BCL2L1: variants seen among roughly 807,000 people sequenced by gnomAD.
The protein encoded by BCL2L1 is bcl-2-like protein 1.
Under a neutral mutation model 18.7 loss-of-function variants are expected in BCL2L1, and 1 was observed. That is an observed-to-expected ratio of 0.05 (90% CI 0.02 to 0.25). The LOEUF is 0.25. BCL2L1 is among the 10% of genes least tolerant of loss of function. The probability of loss-of-function intolerance (pLI) is 1.00; values close to 1 mark genes in which losing one functional copy is unlikely to be tolerated. For missense variants in BCL2L1, 207 were observed against 304.9 expected, an observed-to-expected ratio of 0.68 and a Z score of 2.39; for synonymous variants, 103 against 122.7, an observed-to-expected ratio of 0.84 and a Z score of 1.06.
In BCL2L1 at chr20:31,665,910, G is replaced by C; in HGVS notation, c.*39C>G. On this transcript the variant is annotated 3_prime_UTR_variant, in exon 3 of 3. Coordinates refer to ENST00000307677, the MANE Select transcript of BCL2L1 (RefSeq NM_138578.3). ...TGGACGGAGGATGTGGTGGAGCAGA[G>C]AAGGGGGTGGGAGGGTAGAGTGGAT... 1 of 1,605,320 alleles carries C rather than the reference G, an allele frequency of 6.2e-7. No individual in the cohort carries two copies. Among genetic ancestry groups the C allele is most frequent in the East Asian group, 2.2e-5 (1 of 44,708 alleles).
intron 2 of BCL2L1, among the ~76,000 whole-genome samples, chr20:31,686,618 G>C (rs2060959643): frequency 1.3e-5 from 2 of 152,136 alleles, no homozygotes; most frequent in Non-Finnish European, 2.9e-5. Flanking sequence ...GCTTTCTTTT[G>C]TTCACATCTG....
intron 2 of BCL2L1, among the ~76,000 whole-genome samples, chr20:31,687,983 T>C (rs2060991102): frequency 6.6e-6 from 1 of 152,216 alleles, no homozygotes; most frequent in Non-Finnish European, 1.5e-5. Flanking sequence ...CATGGCACCC[T>C]ATTTAACCCT....
chr20:31,677,106 A>C (rs1399605947), intron 2 of BCL2L1, among the ~76,000 whole-genome samples: 1 of 152,120 alleles, frequency 6.6e-6, no homozygotes, highest in Non-Finnish European at 1.5e-5. Context: ...GAGAACCAAT[A>C]AGTCTTGCAA....
chr20:31,666,148 GA>G, intron 2 of BCL2L1, 62 bp from the exon 3 acceptor site: 3 of 1,588,684 alleles, frequency 1.9e-6, no homozygotes, highest in Non-Finnish European at 2.6e-6. Context: ...GGTGGGTGGG[GA>G]AAGGGGCCAT....
intron 2 of BCL2L1, among the ~76,000 whole-genome samples, chr20:31,697,254 A>G (rs2061187559): frequency 6.6e-6 from 1 of 152,056 alleles, no homozygotes; most frequent in South Asian, 2.1e-4. Context: ...TCAGCTCTCA[A>G]TAGAGGGACA....
chr20:31,690,593 CAG>C (rs1286644417), intron 2 of BCL2L1, among the ~76,000 whole-genome samples: 2 of 148,220 alleles, frequency 1.3e-5, no homozygotes, highest in Admixed American at 1.3e-4. Flanking sequence ...TTTTTGCAGA[CAG>C]AGTCTCACTC....
At chr20:31,668,401 C>G (rs2060618373) in intron 2 of BCL2L1, among the ~76,000 whole-genome samples, 1 of 151,680 alleles carries the variant, frequency 6.6e-6, no homozygotes, top group Admixed American at 6.6e-5. Context: ...CTCACAGCAA[C>G]CTTTGCTTCC....
chr20:31,712,497 A>G lies in BCL2L1; in HGVS notation c.564+9158T>C, dbSNP rs1600915733. 2.6e-5 allele frequency among the ~76,000 whole-genome samples: 4 copies of G among 152,364 alleles called. No homozygotes were observed. The Middle Eastern group carries it at 0.014, about 518-fold the overall frequency. ...AGATACTATTAATAGTAATGTTAACAATAATATTAATCACCAACTGGAGTA... is the reference window on the plus strand; with the variant it reads ...AGATACTATTAATAGTAATGTTAACGATAATATTAATCACCAACTGGAGTA... On this transcript the variant is annotated intron_variant, in intron 2 of 2. Coordinates refer to ENST00000307677, the MANE Select transcript of BCL2L1 (RefSeq NM_138578.3).
intron 2 of BCL2L1, among the ~76,000 whole-genome samples, chr20:31,674,085 AC>A (rs1363369734): frequency 6.6e-6 from 1 of 152,106 alleles, no homozygotes; most frequent in Non-Finnish European, 1.5e-5. Flanking sequence ...CTGGCCTCAC[AC>A]CATTCTTTTT....
Position 31,722,165 on chromosome 20 carries a change from G to A in BCL2L1, c.54C>T (p.Ser18=). ...ACTGACTCCAGCTGTATCCTTTCTG[G>A]GAAAGCTTGTAGGAGAGAAAGTCAA... ...LVVDFLSYKL[S]QKGYSWSQFS... is the part of the protein sequence containing the mutation. The change falls in exon 2 of 3, where the codon TCC becomes TCT. Residue 18 remains serine, a synonymous_variant. Coordinates refer to ENST00000307677, the MANE Select transcript of BCL2L1 (RefSeq NM_138578.3). 1 of 1,503,500 alleles carries A rather than the reference G, an allele frequency of 6.7e-7. No individual in the cohort carries two copies. The highest frequency in any genetic ancestry group is 8.8e-7 in the Non-Finnish European group (1 of 1,132,900). The allele number at this position is 1,503,500 out of a possible 1,614,324, so 93.1% of individuals were successfully genotyped here.
At chr20:31,708,619 C>G (rs73117925) in intron 2 of BCL2L1, among the ~76,000 whole-genome samples, 2 of 152,144 alleles carry the variant, frequency 1.3e-5, no homozygotes, top group Non-Finnish European at 2.9e-5. Context: ...GACCCCTCCC[C>G]CCAGCTGAGC....
intron 2 of BCL2L1, among the ~76,000 whole-genome samples, chr20:31,688,155 T>C (rs2060993258): frequency 6.6e-6 from 1 of 152,024 alleles, no homozygotes; most frequent in African/African-American, 2.4e-5. Flanking sequence ...TCAAGAAATG[T>C]GCTGATGGCC....
At chr20:31,671,305 T>G (rs2060665342) in intron 2 of BCL2L1, among the ~76,000 whole-genome samples, 1 of 152,042 alleles carries the variant, frequency 6.6e-6, no homozygotes, top group Non-Finnish European at 1.5e-5. Context: ...CCCTAGGAGA[T>G]GCCCAGGCTA....
intron 2 of BCL2L1, among the ~76,000 whole-genome samples, chr20:31,688,112 A>T (rs976181789): frequency 6.6e-6 from 1 of 152,150 alleles, no homozygotes; most frequent in Admixed American, 6.5e-5. Flanking sequence ...GAAAGTGTTT[A>T]TCTTATATCC....
In BCL2L1 at chr20:31,701,101, C is replaced by T. The variant is rs1057037381; in HGVS notation, c.564+20554G>A. Among the ~76,000 whole-genome samples the T allele has an allele frequency of 2.6e-5, 4 of 152,084 alleles. No homozygotes were observed. In the East Asian group the frequency reaches 5.8e-4, roughly 22 times the overall value. Reference sequence around the variant, plus strand: ...ACGGAGTCTTGCTCTGTCGCCAGGCCGGAGTGCAGTGGTGTGATCTCAGCT... The same window carrying T: ...ACGGAGTCTTGCTCTGTCGCCAGGCTGGAGTGCAGTGGTGTGATCTCAGCT... On this transcript the variant is annotated intron_variant, in intron 2 of 2. Transcript: ENST00000307677.
At chr20:31,686,091 A>G (rs978590841) in intron 2 of BCL2L1, 1 of 152,198 alleles carries the variant, frequency 6.6e-6, no homozygotes, top group African/African-American at 2.4e-5. Context: ...AGGAGCCCAA[A>G]TAGCCTCTGG....
intron 2 of BCL2L1, among the ~76,000 whole-genome samples, chr20:31,677,181 AATTTTTTTTTTTTTTTTTGAG>A (rs1349885678): frequency 7.5e-6 from 1 of 132,778 alleles, no homozygotes; most frequent in East Asian, 1.9e-4. Flanking sequence ...ATCCTTATTT[AATTTTTTTTTTTTTTTTTGAG>A]ACAGAGTCTC....
intron 2 of BCL2L1, among the ~76,000 whole-genome samples, chr20:31,721,139 G>T (rs751023339): frequency 2.0e-5 from 3 of 152,246 alleles, no homozygotes; most frequent in African/African-American, 4.8e-5. Context: ...AGTCTGAGAG[G>T]AGAGTGCCAT....
At chr20:31,714,464 A>G (rs965284252) in intron 2 of BCL2L1, among the ~76,000 whole-genome samples, 1 of 152,220 alleles carries the variant, frequency 6.6e-6, no homozygotes, top group African/African-American at 2.4e-5. Context: ...GATGCTCAAG[A>G]TTCCGTGAAT....
Sources: allele counts gnomAD v4.1 joint callset (sites outside exome capture counted in the v4.1 genomes callset), GRCh38; gene constraint gnomAD v4.1.1; transcripts MANE v1.5; gene names NCBI Gene and HGNC (gene_info 2026-07-23, HGNC 2026-07-21).